Variants in SGCD observed in about 807,000 individuals in gnomAD.
SGCD encodes the protein sarcoglycan delta.
SGCD carries 18 observed loss-of-function variants against 36.6 expected under a neutral mutation model. The ratio of observed to expected loss-of-function variants is 0.49; its 90% CI spans 0.34 to 0.73. The LOEUF (loss-of-function observed/expected upper bound fraction) is 0.73. Among genes scored for constraint, SGCD ranks in the 30% least tolerant of loss-of-function variants. SGCD has a pLI of 0.01. For missense variants in SGCD, 387 were observed against 346.7 expected, an observed-to-expected ratio of 1.12 and a Z score of -0.92; for synonymous variants, 133 against 130.6, an observed-to-expected ratio of 1.02 and a Z score of -0.12.
chr5:156,480,143 T>G (rs1561723181), intron 3 of SGCD, among the ~76,000 whole-genome samples: 1 of 152,220 alleles, frequency 6.6e-6, no homozygotes, highest in Admixed American at 6.5e-5. Context: ...TTGAGGGTTG[T>G]CTGACTGTCA....
chr5:156,489,052 A>G (rs1755825214), intron 3 of SGCD, among the ~76,000 whole-genome samples: 1 of 152,110 alleles, frequency 6.6e-6, no homozygotes. Flanking sequence ...TGCAAATGGA[A>G]ACCAAAAGAA....
chr5:156,043,021 T>G (rs1759676212), intron 1 of SGCD, among the ~76,000 whole-genome samples: 1 of 152,170 alleles, frequency 6.6e-6, no homozygotes, highest in Admixed American at 6.5e-5. Context: ...AACATTAGCT[T>G]GGCCCAACCC....
chr5:155,842,246 GTTT>G, the SGCD span, among the ~76,000 whole-genome samples: 2 of 129,052 alleles, frequency 1.5e-5, no homozygotes, highest in Non-Finnish European at 1.6e-5. Flanking sequence ...CATTTGAGGT[GTTT>G]TTTTTTTTTT....
At chr5:155,778,122 A>AT in the SGCD span, among the ~76,000 whole-genome samples, 1 of 152,154 alleles carries the variant, frequency 6.6e-6, no homozygotes, top group Non-Finnish European at 1.5e-5. Context: ...TCAAAAGGGC[A>AT]TTTTTTATGT....
chr5:156,470,730 A>G (rs1754923777), intron 3 of SGCD, among the ~76,000 whole-genome samples: 2 of 152,216 alleles, frequency 1.3e-5, no homozygotes, highest in African/African-American at 4.8e-5. Context: ...GAGCAAATAC[A>G]GAGGATCTCA....
At chr5:156,283,872 G>A (rs943021103) in intron 3 of SGCD, among the ~76,000 whole-genome samples, 4 of 152,166 alleles carry the variant, frequency 2.6e-5, no homozygotes, top group African/African-American at 9.7e-5. Context: ...TGACGCTGAG[G>A]AGAGTTAGAG....
chr5:155,990,243 G>T (rs771108943), intron 1 of SGCD, among the ~76,000 whole-genome samples: 2 of 151,992 alleles, frequency 1.3e-5, no homozygotes, highest in Non-Finnish European at 2.9e-5. Flanking sequence ...AAGCTGTTTT[G>T]TACAAAAACA....
intron 1 of SGCD, among the ~76,000 whole-genome samples, chr5:156,085,776 C>A (rs1761076696): frequency 6.6e-6 from 1 of 152,118 alleles, no homozygotes; most frequent in African/African-American, 2.4e-5. Flanking sequence ...GCTTGGGTTG[C>A]AGGGAAGGTG....
chr5:156,019,805 T>C (rs1435649636), intron 1 of SGCD, among the ~76,000 whole-genome samples: 1 of 152,226 alleles, frequency 6.6e-6, no homozygotes, highest in African/African-American at 2.4e-5. Flanking sequence ...GTGATCGTAT[T>C]ATTTCTTTCT....
intron 3 of SGCD, among the ~76,000 whole-genome samples, chr5:156,364,733 A>T (rs73291247): frequency 0.02 from 3,115 of 152,330 alleles, 114 homozygotes; most frequent in African/African-American, 0.072. Flanking sequence ...GTGACAGGAC[A>T]GTGCTTCAAG....
intron 3 of SGCD, among the ~76,000 whole-genome samples, chr5:156,232,544 A>G (rs1477017291): frequency 6.6e-6 from 1 of 152,188 alleles, no homozygotes; most frequent in African/African-American, 2.4e-5. Flanking sequence ...TCCCTGAGAA[A>G]CTAATGGTAA....
At position 156,372,852 on chromosome 5, in the gene SGCD, C is replaced by G. The variant is rs1347215685; in HGVS notation, c.192+28175C>G. ...GTTCTAAATACATGTCTTTCAGGATCAAGGAGCTTTGAATATGGGTTTTGT... is the reference window on the plus strand; with the variant it reads ...GTTCTAAATACATGTCTTTCAGGATGAAGGAGCTTTGAATATGGGTTTTGT... On this transcript the variant is annotated intron_variant, in intron 3 of 8. Transcript: ENST00000337851. Among the ~76,000 whole-genome samples the G allele has an allele frequency of 2.0e-5, 3 of 150,762 alleles. No individual in the cohort carries two copies. The Admixed American group carries it at 2.0e-4, about 10-fold the overall frequency.
At chr5:156,025,600 G>T (rs568572225) in intron 1 of SGCD, among the ~76,000 whole-genome samples, 1 of 151,990 alleles carries the variant, frequency 6.6e-6, no homozygotes, top group East Asian at 1.9e-4. Context: ...CTATTCTATG[G>T]GCCTATTTTG....
chr5:156,094,774 G>A (rs1207901472), intron 1 of SGCD, among the ~76,000 whole-genome samples: 11 of 152,154 alleles, frequency 7.2e-5, no homozygotes, highest in South Asian at 4.2e-4. Flanking sequence ...AGGCCGAGGC[G>A]GGCAGATCAT....
intron 3 of SGCD, among the ~76,000 whole-genome samples, chr5:156,252,145 T>G (rs1030105776): frequency 1.3e-5 from 2 of 151,662 alleles, no homozygotes; most frequent in African/African-American, 4.8e-5. Flanking sequence ...CTGGCTCACA[T>G]CCACCTCCGC....
intron 3 of SGCD, among the ~76,000 whole-genome samples, chr5:156,320,817 G>A (rs571013017): frequency 1.3e-4 from 20 of 152,324 alleles, no homozygotes; most frequent in African/African-American, 4.3e-4. Flanking sequence ...TCCTGGTCCA[G>A]ATTCATTCCA....
intron 1 of SGCD, among the ~76,000 whole-genome samples, chr5:155,872,955 A>G (rs185760673): frequency 3.3e-4 from 50 of 152,334 alleles, no homozygotes; most frequent in Admixed American, 2.9e-3. Flanking sequence ...CATCTTTCTC[A>G]AAACAAACTG....
chr5:156,454,086 T>A (rs76231588), intron 3 of SGCD, among the ~76,000 whole-genome samples: 1,810 of 152,230 alleles, frequency 0.012, 24 homozygotes, highest in African/African-American at 0.041. Context: ...CATACTTTTT[T>A]AAAAAAGTGT....
At chr5:156,743,306 T>C (rs1451185760) in intron 7 of SGCD, among the ~76,000 whole-genome samples, 2 of 152,114 alleles carry the variant, frequency 1.3e-5, no homozygotes, top group Non-Finnish European at 2.9e-5. Context: ...GAGACAGGGT[T>C]TCACCATGTT....
Sources: allele counts gnomAD v4.1 joint callset (sites outside exome capture counted in the v4.1 genomes callset), GRCh38; gene constraint gnomAD v4.1.1; transcripts MANE v1.5; gene names NCBI Gene and HGNC (gene_info 2026-07-23, HGNC 2026-07-21).